The following DCUN1D2 variants were observed in gnomAD, a reference collection of about 807,000 sequenced individuals.
DCUN1D2 encodes defective in cullin neddylation 1 domain containing 2.
Under a neutral mutation model 30.9 loss-of-function variants are expected in DCUN1D2, and 29 were observed. That is an observed-to-expected ratio of 0.94 (90% CI 0.70 to 1.28). The LOEUF (loss-of-function observed/expected upper bound fraction) is 1.28, where lower values mean the gene tolerates loss of function less well. DCUN1D2 is among the 50% of genes most tolerant of loss of function. The pLI is 0.00. For missense variants in DCUN1D2, 325 were observed against 316.9 expected, an observed-to-expected ratio of 1.03 and a Z score of -0.19; for synonymous variants, 121 against 115.3, an observed-to-expected ratio of 1.05 and a Z score of -0.32.
intron 5 of DCUN1D2, among the ~76,000 whole-genome samples, chr13:113,460,699 G>C (rs1420952841): frequency 6.6e-6 from 1 of 152,248 alleles, no homozygotes; most frequent in South Asian, 2.1e-4. Flanking sequence ...CCATGTCGAG[G>C]ATTCGGAGTT....
intron 1 of DCUN1D2, among the ~76,000 whole-genome samples, chr13:113,485,342 TAGA>T (rs2044783346): frequency 6.6e-6 from 1 of 152,074 alleles, no homozygotes; most frequent in Non-Finnish European, 1.5e-5. Context: ...CAAAAGTATA[TAGA>T]AGGATAACAA....
chr13:113,490,485 C>T lies in DCUN1D2; in HGVS notation c.3+182G>A, dbSNP rs1223471254. The T allele has an allele frequency of 3.3e-6, 2 of 613,816 alleles. No individual in the cohort carries two copies. The highest frequency in any genetic ancestry group is 9.3e-5 in the Admixed American group (2 of 21,500). 38.0% of individuals were successfully genotyped at this position (613,816 alleles called of 1,614,324 possible). On this transcript the variant is annotated intron_variant, in intron 1 of 6. Coordinates refer to ENST00000478244, the MANE Select transcript of DCUN1D2 (RefSeq NM_001014283.2). The surrounding 1 kb of genome is among the most constrained non-coding windows in gnomAD (Gnocchi z 5.2). ...CAAACCCGCGCTCCCCGCGGTCCCGCGCCTCCGACGCCACCGCTCCGGCTC... is the reference window on the plus strand; with the variant it reads ...CAAACCCGCGCTCCCCGCGGTCCCGTGCCTCCGACGCCACCGCTCCGGCTC...
chr13:113,469,279 G>A (rs2044463761), intron 4 of DCUN1D2, among the ~76,000 whole-genome samples: 1 of 152,096 alleles, frequency 6.6e-6, no homozygotes. Context: ...GAACAGCCCT[G>A]AGATCAAATC....
chr13:113,468,597 T>TGCCACTC (rs1555330267), intron 4 of DCUN1D2, among the ~76,000 whole-genome samples: 1 of 151,908 alleles, frequency 6.6e-6, no homozygotes, highest in Non-Finnish European at 1.5e-5. Flanking sequence ...ACGCGAGACG[T>TGCCACTC]GCCACGCTCC....
Position 113,456,064 on chromosome 13 carries a change from G to A in DCUN1D2, c.*1965C>T, listed in dbSNP as rs1269929690. The A allele has an allele frequency of 1.3e-5, 5 of 397,242 alleles. No homozygotes were observed. Among genetic ancestry groups the A allele is most frequent in the Non-Finnish European group, 2.2e-5 (5 of 225,816 alleles). The allele number at this position is 397,242 out of a possible 1,614,324, so 24.6% of individuals were successfully genotyped here. On this transcript the variant is annotated 3_prime_UTR_variant, in exon 7 of 7. Coordinates refer to ENST00000478244, the MANE Select transcript of DCUN1D2 (RefSeq NM_001014283.2). ...ACTTTTCTGAACAAAACAATTACAT[G>A]TCAAGAATCCATGAAGCCTGGAAGA...
In DCUN1D2 at chr13:113,464,253, A is replaced by G. The variant is rs61663146; in HGVS notation, c.521-3117T>C. Among the ~76,000 whole-genome samples the G allele has an allele frequency of 4.9e-3, 752 of 152,348 alleles. 39 individuals are homozygous for G. In the East Asian group the frequency reaches 0.12, roughly 24 times the overall value. ...ATTCTGACAAACATTTCATTTAAGT[A>G]TCTACAGGAGTAAACAAGTCCTTGT... is the stretch of plus-strand genomic sequence containing the variant. On this transcript the variant is annotated intron_variant, in intron 4 of 6. Transcript: ENST00000478244.
Position 113,467,988 on chromosome 13 carries a change from G to C in DCUN1D2, c.520+6136C>G, listed in dbSNP as rs775131016. ...GAACCTGGGAGGCAGAGGTTGCAGT[G>C]AGCCAAGATCACACCACTGCACTCC... On this transcript the variant is annotated intron_variant, in intron 4 of 6. Transcript: ENST00000478244. 1.9e-4 allele frequency among the ~76,000 whole-genome samples: 28 copies of C among 147,502 alleles called. 1 individual carries two copies. Among genetic ancestry groups the C allele is most frequent in the Middle Eastern group, 7.0e-3 (2 of 286 alleles).
At chr13:113,458,468 G>GGT (rs1352651855) in intron 6 of DCUN1D2, among the ~76,000 whole-genome samples, 1 of 152,166 alleles carries the variant, frequency 6.6e-6, no homozygotes, top group African/African-American at 2.4e-5. Flanking sequence ...GCCAGCAGGG[G>GGT]GTGCTCCCTC....
At chr13:113,460,960 C>A (rs943898674) in intron 5 of DCUN1D2, 94 bp downstream of exon 5, 1 of 742,878 alleles carries the variant, frequency 1.3e-6, no homozygotes, top group Non-Finnish European at 2.2e-6. Flanking sequence ...AAAACCTCCA[C>A]GTGTGAGACC....
chr13:113,490,765 C>G (rs2139766685), upstream of DCUN1D2: 2 of 1,111,246 alleles, frequency 1.8e-6, no homozygotes, highest in Non-Finnish European at 2.2e-6. This position sits in a 1 kb window ranked among gnomAD's most constrained non-coding sequence, Gnocchi z 5.2. Context: ...GCCCTCGGCT[C>G]CGGGGCAGTG....
chr13:113,481,620 A>T (rs2044708882), intron 2 of DCUN1D2, among the ~76,000 whole-genome samples: 1 of 152,264 alleles, frequency 6.6e-6, no homozygotes, highest in South Asian at 2.1e-4. Context: ...ACGGTGGCTC[A>T]CGCCTATAAT....
In DCUN1D2 at chr13:113,476,263, T is replaced by C. The variant is rs528191108; in HGVS notation, c.390-2009A>G. ...GTGGATGGCTGGGTCATGGCGTCTGTGCACCTTCCATTTAGTAACTGATGT... is the reference window on the plus strand; with the variant it reads ...GTGGATGGCTGGGTCATGGCGTCTGCGCACCTTCCATTTAGTAACTGATGT... On this transcript the variant is annotated intron_variant, in intron 3 of 6. Transcript: ENST00000478244. The C allele has an allele frequency of 4.6e-5, 7 of 152,330 alleles. 1 individual carries two copies. The South Asian group carries it at 1.5e-3, about 32-fold the overall frequency. The allele number at this position is 152,330 out of a possible 1,614,324, so 9.4% of individuals were successfully genotyped here.
At chr13:113,485,077 C>CAATAAATA (rs58781524) in intron 1 of DCUN1D2, among the ~76,000 whole-genome samples, 9,297 of 148,518 alleles carry the variant, frequency 0.063, 364 homozygotes, top group East Asian at 0.12. Flanking sequence ...GACTCTATCT[C>CAATAAATA]AATAAATAAA....
At position 113,490,520 on chromosome 13, in the gene DCUN1D2, C is replaced by A. The variant is rs936768302; in HGVS notation, c.3+147G>T. 23 of 875,800 alleles carry A rather than the reference C, an allele frequency of 2.6e-5. No individual in the cohort carries two copies. The African/African-American group carries it at 4.1e-4, about 16-fold the overall frequency. The allele number at this position is 875,800 out of a possible 1,614,324, so 54.3% of individuals were successfully genotyped here. A position where few individuals can be genotyped will look rare whatever the true frequency, so the allele number is the denominator to read the frequency against. ...GCCACCGCTCCGGCTCGCGGGCCCG[C>A]GGCGCGTTCCTCCCTCGGATCCACG... On this transcript the variant is annotated intron_variant, in intron 1 of 6. Coordinates refer to ENST00000478244, the MANE Select transcript of DCUN1D2 (RefSeq NM_001014283.2). The surrounding 1 kb of genome is among the most constrained non-coding windows in gnomAD (Gnocchi z 5.2).
intron 1 of DCUN1D2, among the ~76,000 whole-genome samples, chr13:113,487,032 G>C (rs1012816480): frequency 6.6e-6 from 1 of 152,196 alleles, no homozygotes; most frequent in Non-Finnish European, 1.5e-5. Context: ...ATTATTTCCT[G>C]AAACTGAGCT....
intron 1 of DCUN1D2, among the ~76,000 whole-genome samples, chr13:113,489,908 T>G (rs988020474): frequency 6.6e-6 from 1 of 152,198 alleles, no homozygotes; most frequent in South Asian, 2.1e-4. Flanking sequence ...CAATTGTGCA[T>G]CTGGTGCCTG....
At chr13:113,461,592 A>G (rs951863517) in intron 4 of DCUN1D2, among the ~76,000 whole-genome samples, 2 of 152,216 alleles carry the variant, frequency 1.3e-5, no homozygotes, top group Non-Finnish European at 1.5e-5. Context: ...ATGAACTAAG[A>G]CAGAATCTGT....
chr13:113,491,496 C>T (rs1037174463), upstream of DCUN1D2, among the ~76,000 whole-genome samples: 4 of 151,312 alleles, frequency 2.6e-5, no homozygotes, highest in South Asian at 4.2e-4. Context: ...TTCCTTCCTT[C>T]CCTCCCTCCC....
At chr13:113,468,747 G>C (rs926048879) in intron 4 of DCUN1D2, among the ~76,000 whole-genome samples, 2 of 152,182 alleles carry the variant, frequency 1.3e-5, no homozygotes, top group African/African-American at 2.4e-5. Context: ...GCAGCAATTA[G>C]AAAGCAAAGC....
Sources: gnomAD v4.1 joint callset for allele counts (sites outside exome capture counted in the v4.1 genomes callset) on GRCh38, gnomAD v4.1.1 for gene constraint, Gnocchi (gnomAD v3.1) non-coding constraint, MANE v1.5 for transcripts, NCBI Gene and HGNC (gene_info 2026-07-23, HGNC 2026-07-21) for gene names.